Variants in SORT1 observed in about 807,000 individuals in gnomAD.
SORT1 encodes sortilin 1, also known as sortilin.
In SORT1, 39 loss-of-function variants were observed where a neutral mutation model predicts 101.7. The ratio of observed to expected loss-of-function variants is 0.38; its 90% CI spans 0.30 to 0.50. SORT1 has a LOEUF of 0.50. SORT1 is among the 20% of genes least tolerant of loss of function. The probability of loss-of-function intolerance (pLI) is 0.90; values close to 1 mark genes in which losing one functional copy is unlikely to be tolerated. For synonymous variants in SORT1, 396 were observed against 393.7 expected, an observed-to-expected ratio of 1.01 and a Z score of -0.07; for missense variants, 878 against 1,040.4, an observed-to-expected ratio of 0.84 and a Z score of 2.15.
chr1:109,313,077 A>C lies in SORT1; in HGVS notation c.*966T>G, dbSNP rs1251992051. Reference sequence around the variant, plus strand: ...TTAGCAACGAGCCACACGACAGTTAAGAAGGGAACATGGAAGACTGTGAGG... The same window carrying C: ...TTAGCAACGAGCCACACGACAGTTACGAAGGGAACATGGAAGACTGTGAGG... On this transcript the variant is annotated 3_prime_UTR_variant, in exon 20 of 20. Coordinates refer to ENST00000256637, the MANE Select transcript of SORT1 (RefSeq NM_002959.7). 6.6e-6 allele frequency: 1 copy of C among 151,802 alleles called. No individual in the cohort carries two copies. The highest frequency in any genetic ancestry group is 1.5e-5 in the Non-Finnish European group (1 of 67,810). The allele number at this position is 151,802 out of a possible 1,614,324, so 9.4% of individuals were successfully genotyped here.
intron 1 of SORT1, among the ~76,000 whole-genome samples, chr1:109,381,589 G>T (rs770065761): frequency 6.6e-6 from 1 of 152,140 alleles, no homozygotes; most frequent in Admixed American, 6.5e-5. Context: ...GTTATCAGGG[G>T]CCGGGCACAG....
intron 6 of SORT1, among the ~76,000 whole-genome samples, chr1:109,348,976 GA>G (rs879445141): frequency 3.3e-5 from 5 of 150,314 alleles, no homozygotes; most frequent in South Asian, 2.1e-4. Context: ...CTTAAAAAAA[GA>G]AAAAAAAATT....
chr1:109,366,806 G>A (rs1469636270), intron 3 of SORT1: 1 of 152,318 alleles, frequency 6.6e-6, no homozygotes, highest in Non-Finnish European at 1.5e-5. Flanking sequence ...TTGGGAGGCT[G>A]AGGTGGGAAG....
chr1:109,326,550 CAT>C (rs1205257779), intron 13 of SORT1, among the ~76,000 whole-genome samples: 2 of 141,506 alleles, frequency 1.4e-5, no homozygotes, highest in Non-Finnish European at 3.0e-5. Flanking sequence ...TATATATACA[CAT>C]ATATATACAC....
In SORT1 at chr1:109,340,882, G is replaced by A; in HGVS notation, c.1109-3C>T. 6.2e-7 allele frequency: 1 copy of A among 1,605,378 alleles called. No homozygotes were observed. Among genetic ancestry groups the A allele is most frequent in the Non-Finnish European group, 8.5e-7 (1 of 1,174,516 alleles). On this transcript the variant is annotated splice_polypyrimidine_tract_variant and splice_region_variant and intron_variant, in intron 9 of 19. Coordinates refer to ENST00000256637, the MANE Select transcript of SORT1 (RefSeq NM_002959.7). ...AAAGATTGTGCCAAACCCAGTGTCT[G>A]AAATAGGCAAACAAACAAAAATACT...
rs754783225 is a variant in SORT1 at position 109,347,485 on chromosome 1, C to G, written c.830G>C (p.Cys277Ser). Reference protein sequence around the residue: ...IFFTTYANGSCKADLGALELW... With the variant: ...IFFTTYANGSSKADLGALELW... ...TTCTGGGACTAAAATATACTTACTGCAGGAGCCATTTGCATAGGTTGTAAA... is the reference window on the plus strand; with the variant it reads ...TTCTGGGACTAAAATATACTTACTGGAGGAGCCATTTGCATAGGTTGTAAA... Residue 277 changes from cysteine (C) to serine (S), a missense_variant and splice_region_variant, in exon 7 of 20, where the codon TGC (cysteine) becomes TCC (serine). By Grantham distance (112) the Cys-to-Ser change is moderately radical. This residue lies in a region of SORT1 where 684 missense variants were observed against 894.5 expected (regional missense o/e 0.76). Transcript: ENST00000256637. 2 of 1,605,208 alleles carry G rather than the reference C, an allele frequency of 1.2e-6. No individual in the cohort carries two copies. The highest frequency in any genetic ancestry group is 1.7e-6 in the Non-Finnish European group (2 of 1,172,022).
intron 2 of SORT1, 89 bp downstream of exon 2, chr1:109,369,441 G>T (rs1651333916): frequency 1.2e-6 from 1 of 824,152 alleles, no homozygotes. Context: ...ACAGTTTCAG[G>T]AAGAAATGAT....
intron 5 of SORT1, among the ~76,000 whole-genome samples, chr1:109,352,688 A>G (rs1650045039): frequency 6.6e-6 from 1 of 152,202 alleles, no homozygotes; most frequent in Admixed American, 6.5e-5. Flanking sequence ...TTATAAAGAC[A>G]AGGCAGAATT....
At chr1:109,332,474 G>A (rs1481339756) in intron 11 of SORT1, among the ~76,000 whole-genome samples, 1 of 152,096 alleles carries the variant, frequency 6.6e-6, no homozygotes, top group Non-Finnish European at 1.5e-5. Flanking sequence ...TACTTGGGAC[G>A]TGGGAGGATT....
At chr1:109,353,389 C>A (rs1650100313) in intron 5 of SORT1, among the ~76,000 whole-genome samples, 1 of 151,602 alleles carries the variant, frequency 6.6e-6, no homozygotes, top group Non-Finnish European at 1.5e-5. Context: ...CCTCCTGGTG[C>A]CCCTCAGCCT....
intron 3 of SORT1, among the ~76,000 whole-genome samples, chr1:109,360,327 C>A (rs1388287351): frequency 1.3e-5 from 2 of 152,032 alleles, no homozygotes; most frequent in Non-Finnish European, 2.9e-5. Context: ...CAGTGTAAGA[C>A]CCTGTGTCAA....
chr1:109,360,846 G>T (rs892762308), intron 3 of SORT1, among the ~76,000 whole-genome samples: 3 of 152,140 alleles, frequency 2.0e-5, no homozygotes, highest in Non-Finnish European at 4.4e-5. Context: ...AATTGAGGAG[G>T]CAGCCTTGGT....
Position 109,324,997 on chromosome 1 carries a change from C to T in SORT1, c.1736G>A (p.Arg579Lys). 1 of 1,613,764 alleles carries T rather than the reference C, an allele frequency of 6.2e-7. No individual in the cohort carries two copies. The highest frequency in any genetic ancestry group is 8.5e-7 in the Non-Finnish European group (1 of 1,179,698). ...GCCCCAAATGCTGATATTCATGGACCTAGCTCCAGGTTCTGAAGCTAGGCC... is the reference window on the plus strand; with the variant it reads ...GCCCCAAATGCTGATATTCATGGACTTAGCTCCAGGTTCTGAAGCTAGGCC... ...FTGLASEPGA[R>K]SMNISIWGFT... The change falls in exon 14 of 20, where the codon AGG (arginine) becomes AAG (lysine). Residue 579 changes from arginine (R) to lysine (K), a missense_variant. Arg to Lys is a conservative substitution (Grantham distance 26). This residue lies in a region of SORT1 where 684 missense variants were observed against 894.5 expected (regional missense o/e 0.76). Transcript: ENST00000256637.
chr1:109,367,862 G>A (rs935807383), intron 2 of SORT1, among the ~76,000 whole-genome samples: 8 of 152,190 alleles, frequency 5.3e-5, no homozygotes, highest in Non-Finnish European at 1.0e-4. Flanking sequence ...ATGTATGTCT[G>A]TCTTTTTCTT....
chr1:109,371,881 G>C (rs565403161), intron 1 of SORT1, among the ~76,000 whole-genome samples: 1 of 152,260 alleles, frequency 6.6e-6, no homozygotes, highest in African/African-American at 2.4e-5. Context: ...CAAACTCACT[G>C]AAAAACTCAT....
intron 1 of SORT1, among the ~76,000 whole-genome samples, chr1:109,382,375 A>G (rs1652298951): frequency 6.6e-6 from 1 of 152,156 alleles, no homozygotes; most frequent in African/African-American, 2.4e-5. Context: ...ACCTCAAGTG[A>G]TCTGTCTGCC....
intron 1 of SORT1, among the ~76,000 whole-genome samples, chr1:109,387,546 A>C (rs1652643480): frequency 6.6e-6 from 1 of 152,234 alleles, no homozygotes; most frequent in Non-Finnish European, 1.5e-5. Context: ...AAACAAAACA[A>C]AAACTATTTA....
chr1:109,309,785 T>C lies in SORT1; in HGVS notation c.*4258A>G, dbSNP rs982444673. 1.3e-5 allele frequency: 2 copies of C among 152,282 alleles called. No individual in the cohort carries two copies. The highest frequency in any genetic ancestry group is 4.8e-5 in the African/African-American group (2 of 41,444). 9.4% of individuals were successfully genotyped at this position (152,282 alleles called of 1,614,324 possible). A position where few individuals can be genotyped will look rare whatever the true frequency, so the allele number is the denominator to read the frequency against. On this transcript the variant is annotated 3_prime_UTR_variant, in exon 20 of 20. Transcript: ENST00000256637. ...TGAAACTCGATTATCCCACCTCACATGCAATTTTCTGTCCTAAGGGAATAG... is the reference window on the plus strand; with the variant it reads ...TGAAACTCGATTATCCCACCTCACACGCAATTTTCTGTCCTAAGGGAATAG...
chr1:109,342,511 T>A (rs911048503), intron 8 of SORT1, among the ~76,000 whole-genome samples: 3 of 152,226 alleles, frequency 2.0e-5, no homozygotes, highest in Non-Finnish European at 2.9e-5. Context: ...GCCATTTGCA[T>A]ACACTCAGGT....
Sources: allele counts gnomAD v4.1 joint callset (sites outside exome capture counted in the v4.1 genomes callset), GRCh38; gene constraint gnomAD v4.1.1; regional missense constraint gnomAD v4.1.1; transcripts MANE v1.5; gene names NCBI Gene and HGNC (gene_info 2026-07-23, HGNC 2026-07-21).